The following ITGAX variants were observed in gnomAD, a reference collection of about 807,000 sequenced individuals.
ITGAX encodes integrin subunit alpha X.
ITGAX carries 99 observed loss-of-function variants against 140.2 expected under a neutral mutation model. That is an observed-to-expected ratio of 0.71 (90% CI 0.60 to 0.83). The LOEUF (loss-of-function observed/expected upper bound fraction) is 0.83. ITGAX is among the 40% of genes least tolerant of loss of function. The pLI is 0.00. For synonymous variants in ITGAX, 631 were observed against 600.4 expected, an observed-to-expected ratio of 1.05 and a Z score of -0.75; for missense variants, 1,444 against 1,482.0, an observed-to-expected ratio of 0.97 and a Z score of 0.42.
intron 14 of ITGAX, 93 bp downstream of exon 14, chr16:31,363,467 C>T: frequency 7.0e-7 from 1 of 1,426,350 alleles, no homozygotes; most frequent in Non-Finnish European, 9.9e-7. Context: ...TTACCTTTTC[C>T]TACCTCCCTT....
intron 14 of ITGAX, chr16:31,370,238 G>C (rs1281333584): frequency 6.6e-6 from 1 of 152,188 alleles, no homozygotes; most frequent in African/African-American, 2.4e-5. Context: ...TTACAGGTGT[G>C]AGCCACCGCG....
intron 14 of ITGAX, among the ~76,000 whole-genome samples, chr16:31,367,069 C>T (rs982243361): frequency 2.0e-5 from 3 of 152,220 alleles, no homozygotes; most frequent in African/African-American, 7.2e-5. Flanking sequence ...ACAACATCCC[C>T]TTAAGCCAAA....
chr16:31,373,588 G>A (rs2080993652), intron 20 of ITGAX, among the ~76,000 whole-genome samples, 198 bp downstream of exon 20: 1 of 152,210 alleles, frequency 6.6e-6, no homozygotes, highest in African/African-American at 2.4e-5. Context: ...CACTAATGTG[G>A]AGACAGAGGG....
chr16:31,364,033 C>T (rs1157681182), intron 14 of ITGAX, among the ~76,000 whole-genome samples: 5 of 152,108 alleles, frequency 3.3e-5, no homozygotes, highest in Non-Finnish European at 7.3e-5. Context: ...CCACCAAATG[C>T]CCATCCCTGC....
Position 31,371,475 on chromosome 16 carries a change from T to C in ITGAX, c.1983T>C (p.Arg661=). 6.2e-7 allele frequency: 1 copy of C among 1,613,938 alleles called. No homozygotes were observed. Among genetic ancestry groups the C allele is most frequent in the Non-Finnish European group, 8.5e-7 (1 of 1,179,914 alleles). The part of the protein sequence containing the change: ...QSNICLYIDK[R]SKNLLGSRDL... Reference sequence around the variant, plus strand: ...ACATCTGCCTTTACATTGACAAACGTTCTAAGAACCTGCTTGGGAGCCGTG... The same window carrying C: ...ACATCTGCCTTTACATTGACAAACGCTCTAAGAACCTGCTTGGGAGCCGTG... Residue 661 remains arginine, a synonymous_variant, in exon 16 of 30, where the codon CGT becomes CGC. Coordinates refer to ENST00000268296, the MANE Select transcript of ITGAX (RefSeq NM_000887.5).
At position 31,372,145 on chromosome 16, in the gene ITGAX, T is replaced by C. The variant is rs549478043; in HGVS notation, c.2161-233T>C. On this transcript the variant is annotated intron_variant, in intron 17 of 29. Coordinates refer to ENST00000268296, the MANE Select transcript of ITGAX (RefSeq NM_000887.5). ...CCAGGGGCATAGGTGGCCAAAACAG[T>C]CATTGCTGATCGGGAGGTCTGGGGG... is the stretch of plus-strand genomic sequence containing the variant. 3.2e-3 allele frequency among the ~76,000 whole-genome samples: 454 copies of C among 141,648 alleles called. 3 individuals carry two copies. The highest frequency in any genetic ancestry group is 3.7e-4 in the Non-Finnish European group (24 of 64,950). 92.9% of individuals were successfully genotyped at this position (141,648 alleles called of 152,430 possible).
chr16:31,382,424 A>C lies in ITGAX; in HGVS notation c.*517A>C. Reference sequence around the variant, plus strand: ...CCTCGCCCGGCCCGATCTTTCTAAAATACAGTTCTGAATATGCTGCTCATC... The same window carrying C: ...CCTCGCCCGGCCCGATCTTTCTAAACTACAGTTCTGAATATGCTGCTCATC... On this transcript the variant is annotated 3_prime_UTR_variant, in exon 30 of 30. Transcript: ENST00000268296. The C allele has an allele frequency of 6.5e-7, 1 of 1,534,966 alleles. No homozygotes were observed. The highest frequency in any genetic ancestry group is 8.7e-7 in the Non-Finnish European group (1 of 1,146,120).
Position 31,361,083 on chromosome 16 carries a change from C to T in ITGAX, c.882C>T (p.Asn294=). The change falls in exon 9 of 30, where the codon AAC becomes AAT. Residue 294 remains asparagine, a synonymous_variant. Transcript: ENST00000268296. ...YAIGVGLAFQ[N]RNSWKELNDI... ...GACAGGTTGGATTAGCTTTTCAAAA[C>T]AGAAATTCTTGGAAAGAATTAAATG... 1 of 1,612,424 alleles carries T rather than the reference C, an allele frequency of 6.2e-7. No homozygotes were observed. The highest frequency in any genetic ancestry group is 8.5e-7 in the Non-Finnish European group (1 of 1,179,634).
Position 31,356,611 on chromosome 16 carries a change from T to G in ITGAX, c.144-14T>G, listed in dbSNP as rs771371278. On this transcript the variant is annotated splice_polypyrimidine_tract_variant and intron_variant, in intron 2 of 29. Coordinates refer to ENST00000268296, the MANE Select transcript of ITGAX (RefSeq NM_000887.5). Reference sequence around the variant, plus strand: ...TCCACACTCTTACCTAAAGTGTTCTTTGTCTCCTCGCAGGGTGGTGGTTGG... The same window carrying G: ...TCCACACTCTTACCTAAAGTGTTCTGTGTCTCCTCGCAGGGTGGTGGTTGG... The G allele has an allele frequency of 1.1e-5, 17 of 1,577,474 alleles. No homozygotes were observed. The South Asian group carries it at 2.0e-4, about 18-fold the overall frequency.
At chr16:31,369,273 G>A (rs2080928873) in intron 14 of ITGAX, among the ~76,000 whole-genome samples, 1 of 136,706 alleles carries the variant, frequency 7.3e-6, no homozygotes. Context: ...GAGGCAGCTG[G>A]CCGGGCGGGG....
intron 8 of ITGAX, chr16:31,360,828 A>T (rs2080816311): frequency 1.9e-6 from 1 of 539,726 alleles, no homozygotes; most frequent in South Asian, 2.3e-5. Flanking sequence ...CCTTTCAAGG[A>T]TAGAAACACC....
chr16:31,377,098 G>T lies in ITGAX; in HGVS notation c.2705+19G>T. The T allele has an allele frequency of 2.5e-6, 4 of 1,613,850 alleles. No individual in the cohort carries two copies. Among genetic ancestry groups the T allele is most frequent in the Non-Finnish European group, 3.4e-6 (4 of 1,179,770 alleles). ...TGAGCAGGTGAGCCGGGCCAGGCCA[G>T]GGGCAGTGCCCCTCATCTCCAGCCT... On this transcript the variant is annotated intron_variant, in intron 22 of 29. Coordinates refer to ENST00000268296, the MANE Select transcript of ITGAX (RefSeq NM_000887.5).
chr16:31,355,987 T>C lies in ITGAX; in HGVS notation c.132T>C (p.Tyr44=). ...SAGFGDSVVQ[Y]ANSWVVVGAP... ...GGTTTGGAGACAGCGTGGTCCAGTA[T>C]GCCAACTCCTGGTGAGGCCCAGGTG... The change falls in exon 2 of 30, where the codon TAT becomes TAC. Residue 44 remains tyrosine, a synonymous_variant. Transcript: ENST00000268296. The C allele has an allele frequency of 6.2e-6, 10 of 1,612,132 alleles. No individual in the cohort carries two copies. The highest frequency in any genetic ancestry group is 8.5e-6 in the Non-Finnish European group (10 of 1,178,662).
chr16:31,366,872 A>G (rs1383901445), intron 14 of ITGAX, among the ~76,000 whole-genome samples: 1 of 152,262 alleles, frequency 6.6e-6, no homozygotes, highest in Non-Finnish European at 1.5e-5. Flanking sequence ...TGAAGAAGCC[A>G]TGCCAAAAGC....
At chr16:31,359,581 G>A (rs1011599516) in intron 5 of ITGAX, 119 bp from the exon 6 acceptor site, 20 of 1,221,992 alleles carry the variant, frequency 1.6e-5, no homozygotes, top group Admixed American at 7.0e-5. Context: ...GACTCCCATC[G>A]CCAGACTAGG....
rs373555641 is a variant in ITGAX at position 31,356,675 on chromosome 16, G to A, written c.194G>A (p.Gly65Asp). 3.7e-4 allele frequency: 595 copies of A among 1,601,436 alleles called. 5 individuals carry two copies. The South Asian group carries it at 6.4e-3, about 17-fold the overall frequency. ...ATAACAGCTGCCAACCAAACGGGTG[G>A]CCTCTACCAGTGTGGCTACAGCACT... ...QKITAANQTG[G>D]LYQCGYSTGA... Residue 65 changes from glycine to aspartate, a missense_variant, in exon 3 of 30, where the codon GGC (glycine) becomes GAC (aspartate). Gly to Asp is a moderately conservative substitution (Grantham distance 94, BLOSUM62 -1). Transcript: ENST00000268296.
At chr16:31,359,386 G>A (rs901929875) in intron 5 of ITGAX, among the ~76,000 whole-genome samples, 5 of 151,952 alleles carry the variant, frequency 3.3e-5, no homozygotes, top group African/African-American at 9.7e-5. Context: ...GGATGGTCTC[G>A]ATCTCCTGAC....
rs938480935 is a variant in ITGAX, at chr16:31,371,047, C to G, written c.1711-37C>G. 1.4e-5 allele frequency: 23 copies of G among 1,612,976 alleles called. No individual in the cohort carries two copies. The Middle Eastern group carries it at 5.7e-4, about 40-fold the overall frequency. On this transcript the variant is annotated intron_variant, in intron 14 of 29. Coordinates refer to ENST00000268296, the MANE Select transcript of ITGAX (RefSeq NM_000887.5). ...TACTTATTTCCAACTTCTTCCCCTA[C>G]TTTCCATCTTGATTCACCCTTCTCT...
At position 31,371,464 on chromosome 16, in the gene ITGAX, A is replaced by G. The variant is rs1377786110; in HGVS notation, c.1972A>G (p.Ile658Val). The stretch of plus-strand genomic sequence containing the variant: ...GGTACAGTCCAACATCTGCCTTTAC[A>G]TTGACAAACGTTCTAAGAACCTGCT... ...TLVQSNICLY[I>V]DKRSKNLLGS... The change falls in exon 16 of 30, where the codon ATT becomes GTT. Residue 658 changes from isoleucine to valine, a missense_variant. By Grantham distance (29) the Ile-to-Val change is conservative. Transcript: ENST00000268296. The G allele has an allele frequency of 1.2e-6, 2 of 1,614,036 alleles. No individual in the cohort carries two copies. Among genetic ancestry groups the G allele is most frequent in the East Asian group, 2.2e-5 (1 of 44,868 alleles).
Sources: gnomAD v4.1 joint callset for allele counts (sites outside exome capture counted in the v4.1 genomes callset) on GRCh38, gnomAD v4.1.1 for gene constraint, MANE v1.5 for transcripts, NCBI Gene and HGNC (gene_info 2026-07-23, HGNC 2026-07-21) for gene names.